Variants in CCDC7 observed in about 807,000 individuals in gnomAD.
CCDC7 encodes coiled-coil domain-containing protein 7.
Under a neutral mutation model 196.9 loss-of-function variants are expected in CCDC7, and 183 were observed. The observed-to-expected ratio is 0.93, with a 90% CI of 0.82 to 1.05. The LOEUF is 1.05. Ranked by LOEUF, CCDC7 falls within the 50% of genes least tolerant of loss-of-function variation. The pLI, the probability that CCDC7 is intolerant of heterozygous loss-of-function variation, is 0.00. For synonymous variants in CCDC7, 525 were observed against 484.6 expected, an observed-to-expected ratio of 1.08 and a Z score of -1.10; for missense variants, 1,540 against 1,482.2, an observed-to-expected ratio of 1.04 and a Z score of -0.64.
At chr10:32,812,312 A>T (rs547282995) in intron 30 of CCDC7, among the ~76,000 whole-genome samples, 1 of 152,218 alleles carries the variant, frequency 6.6e-6, no homozygotes, top group Admixed American at 6.5e-5. Flanking sequence ...AAGAAGGTTA[A>T]TATAATACAA....
At chr10:32,711,019 G>A (rs538057038) in intron 24 of CCDC7, among the ~76,000 whole-genome samples, 1 of 152,160 alleles carries the variant, frequency 6.6e-6, no homozygotes, top group South Asian at 2.1e-4. Flanking sequence ...CTCACTGTAT[G>A]TACAGCCATG....
At chr10:32,649,016 G>T (rs2068255461) in intron 20 of CCDC7, among the ~76,000 whole-genome samples, 1 of 152,190 alleles carries the variant, frequency 6.6e-6, no homozygotes, top group South Asian at 2.1e-4. Flanking sequence ...TAGGAATATG[G>T]TTGGAGTTGG....
chr10:32,673,159 A>G (rs1254813079), intron 21 of CCDC7, among the ~76,000 whole-genome samples: 1 of 152,134 alleles, frequency 6.6e-6, no homozygotes, highest in Non-Finnish European at 1.5e-5. Flanking sequence ...TATGTCTTTT[A>G]TGGCAGTACA....
At chr10:32,544,138 TAA>T (rs1023615219) in intron 12 of CCDC7, 107 bp from the exon 14 acceptor site, 1 of 913,428 alleles carries the variant, frequency 1.1e-6, no homozygotes, top group East Asian at 2.7e-5. Context: ...TGAATTTTTT[TAA>T]AAAAACTTCA....
At chr10:32,651,660 T>C (rs998769492) in intron 20 of CCDC7, among the ~76,000 whole-genome samples, 1 of 152,106 alleles carries the variant, frequency 6.6e-6, no homozygotes, top group African/African-American at 2.4e-5. Context: ...AGGAAGTTTC[T>C]GTGTGGAGGA....
chr10:32,549,152 C>T (rs1466539366), intron 13 of CCDC7, among the ~76,000 whole-genome samples: 2 of 152,068 alleles, frequency 1.3e-5, no homozygotes, highest in Admixed American at 6.5e-5. Flanking sequence ...TTTGCATTTC[C>T]CTGATCATTC....
At chr10:32,726,741 T>C in exon 26 of CCDC7, 4 of 1,578,850 alleles carry the variant, frequency 2.5e-6, no homozygotes, top group Non-Finnish European at 2.6e-6. Context: ...TAGTACCAGA[T>C]AAAAATTCTA....
intron 21 of CCDC7, among the ~76,000 whole-genome samples, chr10:32,681,254 T>C (rs1256207419): frequency 6.6e-6 from 1 of 152,202 alleles, no homozygotes; most frequent in East Asian, 1.9e-4. Flanking sequence ...GCCAATTGAC[T>C]GGACCTGTGT....
chr10:32,580,411 C>T (rs2058626253), intron 16 of CCDC7, among the ~76,000 whole-genome samples: 1 of 152,012 alleles, frequency 6.6e-6, no homozygotes, highest in African/African-American at 2.4e-5. Context: ...TTTTGACTTT[C>T]TTTTCAGTTG....
chr10:32,628,787 T>A (rs935703165), intron 18 of CCDC7, among the ~76,000 whole-genome samples: 1 of 152,166 alleles, frequency 6.6e-6, no homozygotes, highest in Non-Finnish European at 1.5e-5. Flanking sequence ...CCATGTTTCA[T>A]TTCCATGTAT....
At chr10:32,882,655 A>G (rs2094833551) in intron 22 of CCDC7, 38 bp from the exon 44 acceptor site, 1 of 152,206 alleles carries the variant, frequency 6.6e-6, no homozygotes, top group African/African-American at 2.4e-5. Flanking sequence ...AGTTGAATTA[A>G]ATAAAAAAAT....
Position 32,689,163 on chromosome 10 carries a change from A to G in CCDC7, c.2344A>G (p.Thr782Ala), listed in dbSNP as rs1296721152. 5 of 1,523,814 alleles carry G rather than the reference A, an allele frequency of 3.3e-6. No homozygotes were observed. The Admixed American group carries it at 5.2e-5, about 16-fold the overall frequency. The allele number at this position is 1,523,814 out of a possible 1,614,324, so 94.4% of individuals were successfully genotyped here. A position where few individuals can be genotyped will look rare whatever the true frequency, so the allele number is the denominator to read the frequency against. ...AACTCTCAAAGGGCAAAGAATTATT[A>G]GTAAGTATAAAAAGTAAAGATAACT... Residue 782 changes from threonine to alanine, a missense_variant and splice_region_variant, in exon 23 of 42, where the codon ACT (threonine) becomes GCT (alanine). Thr to Ala is a moderately conservative substitution (Grantham distance 58). Transcript: ENST00000639629.
chr10:32,544,654 AC>A (rs1207147781), intron 13 of CCDC7, among the ~76,000 whole-genome samples: 1 of 152,122 alleles, frequency 6.6e-6, no homozygotes, highest in Non-Finnish European at 1.5e-5. Context: ...ATTCCCTTTA[AC>A]CTATTTGAAT....
exon 18 of CCDC7, chr10:32,584,291 A>C (rs1484801798): frequency 6.3e-7 from 1 of 1,598,874 alleles, no homozygotes; most frequent in Non-Finnish European, 8.5e-7. Flanking sequence ...ACCAAGCAGC[A>C]GAAAAATCTC....
chr10:32,592,884 CTT>C (rs2059918912), intron 18 of CCDC7, among the ~76,000 whole-genome samples: 1 of 152,068 alleles, frequency 6.6e-6, no homozygotes, highest in Middle Eastern at 3.2e-3. Context: ...TGAACTCATC[CTT>C]TTTTATGGCT....
At chr10:32,858,568 A>G (rs981700888) in intron 41 of CCDC7, among the ~76,000 whole-genome samples, 1 of 152,128 alleles carries the variant, frequency 6.6e-6, no homozygotes, top group South Asian at 2.1e-4. Context: ...GCATAATCTC[A>G]GATGATCCCC....
intron 31 of CCDC7, among the ~76,000 whole-genome samples, chr10:32,816,278 G>A (rs112829357): frequency 0.081 from 12,387 of 152,212 alleles, 1,646 homozygotes; most frequent in African/African-American, 0.27. Flanking sequence ...AGGTGGCAGC[G>A]AGGCTGGTGG....
chr10:32,563,091 A>G (rs2056064188), intron 13 of CCDC7, among the ~76,000 whole-genome samples: 1 of 152,114 alleles, frequency 6.6e-6, no homozygotes. Context: ...CCAACTTACA[A>G]GGGATGTGAA....
At chr10:32,861,130 A>AG (rs1169819154) in intron 41 of CCDC7, among the ~76,000 whole-genome samples, 2 of 149,092 alleles carry the variant, frequency 1.3e-5, no homozygotes, top group African/African-American at 4.9e-5. Context: ...AAAAAAAAAA[A>AG]AAAAGAAAGC....
Sources: allele counts gnomAD v4.1 joint callset (sites outside exome capture counted in the v4.1 genomes callset), GRCh38; gene constraint gnomAD v4.1.1; transcripts MANE v1.5; gene names NCBI Gene and HGNC (gene_info 2026-07-23, HGNC 2026-07-21).